MGAT5: variants seen among roughly 807,000 people sequenced by gnomAD.
MGAT5 encodes alpha-1,6-mannosylglycoprotein 6-beta-N-acetylglucosaminyltransferase A.
In MGAT5, 30 loss-of-function variants were observed where a neutral mutation model predicts 94.3. The observed-to-expected ratio is 0.32, with a 90% CI of 0.24 to 0.43. The LOEUF is 0.43. MGAT5 is among the 20% of genes least tolerant of loss of function. The pLI, the probability that MGAT5 is intolerant of heterozygous loss-of-function variation, is 1.00. For missense variants in MGAT5, 691 were observed against 905.5 expected (o/e 0.76, Z 3.04); for synonymous variants, 310 against 322.9 (o/e 0.96, Z 0.43).
At chr2:134,379,636 G>A (rs1331156873) in intron 10 of MGAT5, among the ~76,000 whole-genome samples, 1 of 152,226 alleles carries the variant, frequency 6.6e-6, no homozygotes, top group African/African-American at 2.4e-5. Context: ...ATCATGGCTG[G>A]ACTGCAGGCG....
At chr2:134,389,026 G>T (rs940675275) in intron 10 of MGAT5, among the ~76,000 whole-genome samples, 4 of 152,096 alleles carry the variant, frequency 2.6e-5, no homozygotes, top group Non-Finnish European at 5.9e-5. Context: ...CTCCCAAAGT[G>T]CTGGGATTGG....
chr2:134,122,768 C>T (rs947121980), intron 1 of MGAT5, among the ~76,000 whole-genome samples: 1 of 152,226 alleles, frequency 6.6e-6, no homozygotes, highest in Non-Finnish European at 1.5e-5. Context: ...ATCTGCAGTC[C>T]TGGTTTGGAG....
chr2:134,254,701 C>G (rs1682821998), intron 1 of MGAT5, 57 bp downstream of exon 1: 2 of 1,594,120 alleles, frequency 1.3e-6, no homozygotes, highest in Non-Finnish European at 1.7e-6. Flanking sequence ...TGAAATGGCC[C>G]TAGAAGCTCC....
At chr2:134,338,907 T>C (rs1688481664) in intron 6 of MGAT5, among the ~76,000 whole-genome samples, 1 of 152,132 alleles carries the variant, frequency 6.6e-6, no homozygotes, top group Non-Finnish European at 1.5e-5. Flanking sequence ...CTTTCTAGTT[T>C]ATGAGGACAG....
chr2:134,219,911 C>G (rs1257753301), intron 1 of MGAT5, among the ~76,000 whole-genome samples: 1 of 152,166 alleles, frequency 6.6e-6, no homozygotes, highest in Non-Finnish European at 1.5e-5. Context: ...GATGGCACTA[C>G]TCCCTTACTT....
At chr2:134,152,478 C>T (rs1187032431) in intron 1 of MGAT5, among the ~76,000 whole-genome samples, 1 of 152,130 alleles carries the variant, frequency 6.6e-6, no homozygotes, top group Admixed American at 6.5e-5. Context: ...ACCTCACTCA[C>T]TCATCCCCTG....
intron 4 of MGAT5, 29 bp downstream of exon 4, chr2:134,318,768 T>C (rs779246929): frequency 6.7e-6 from 10 of 1,487,066 alleles, no homozygotes; most frequent in Non-Finnish European, 9.4e-6. Context: ...CTCCTGGGGG[T>C]AGATGTGACT....
chr2:134,318,190 C>T (rs142449691), intron 3 of MGAT5, among the ~76,000 whole-genome samples: 94 of 152,288 alleles, frequency 6.2e-4, no homozygotes, highest in South Asian at 5.0e-3. Flanking sequence ...GTGGGACCAA[C>T]CCCAGAAGCA....
At chr2:134,429,221 A>G (rs1203164209) in intron 14 of MGAT5, among the ~76,000 whole-genome samples, 1 of 152,230 alleles carries the variant, frequency 6.6e-6, no homozygotes, top group Non-Finnish European at 1.5e-5. Flanking sequence ...GCAAGCTGAA[A>G]ATAGAAATGG....
At chr2:134,364,432 G>A (rs190259948) in intron 10 of MGAT5, among the ~76,000 whole-genome samples, 17 of 152,208 alleles carry the variant, frequency 1.1e-4, no homozygotes, top group Admixed American at 3.3e-4. Context: ...CCTGGGAGGC[G>A]GATGTTGCAG....
At chr2:134,439,424 C>T (rs1244693596) in intron 14 of MGAT5, among the ~76,000 whole-genome samples, 3 of 152,260 alleles carry the variant, frequency 2.0e-5, no homozygotes, top group Admixed American at 6.5e-5. Flanking sequence ...AGGCCGGGCG[C>T]GGTGGCTCAC....
intron 1 of MGAT5, among the ~76,000 whole-genome samples, chr2:134,193,054 A>C (rs1679304985): frequency 6.6e-6 from 1 of 152,090 alleles, no homozygotes; most frequent in Non-Finnish European, 1.5e-5. Context: ...AGAAAAAAAC[A>C]GTAATTTCAC....
chr2:134,125,379 G>A (rs1446895024), intron 1 of MGAT5, among the ~76,000 whole-genome samples: 1 of 152,196 alleles, frequency 6.6e-6, no homozygotes, highest in Non-Finnish European at 1.5e-5. Flanking sequence ...GTTGGGCTGT[G>A]AGTAGTGGTT....
chr2:134,428,698 A>G (rs1684723230), intron 14 of MGAT5, among the ~76,000 whole-genome samples: 1 of 152,242 alleles, frequency 6.6e-6, no homozygotes, highest in African/African-American at 2.4e-5. Context: ...TACTGTGAAG[A>G]TGCCCCTGAC....
At chr2:134,417,280 G>A (rs184299301) in intron 12 of MGAT5, among the ~76,000 whole-genome samples, 255 of 152,114 alleles carry the variant, frequency 1.7e-3, no homozygotes, top group Non-Finnish European at 2.3e-3. Flanking sequence ...CAAAACTACA[G>A]TACAGTGGTC....
At chr2:134,350,266 GA>G (rs770759711) in intron 9 of MGAT5, among the ~76,000 whole-genome samples, 1 of 152,118 alleles carries the variant, frequency 6.6e-6, no homozygotes, top group Non-Finnish European at 1.5e-5. Flanking sequence ...ATGCCACATG[GA>G]TGCTATTTAG....
chr2:134,135,864 G>A (rs994003184), intron 1 of MGAT5, among the ~76,000 whole-genome samples: 2 of 152,106 alleles, frequency 1.3e-5, no homozygotes, highest in African/African-American at 2.4e-5. Context: ...CTCTTGCTGG[G>A]CCATGGCTCC....
chr2:134,327,039 T>C (rs1687686439), intron 4 of MGAT5, among the ~76,000 whole-genome samples: 1 of 152,140 alleles, frequency 6.6e-6, no homozygotes, highest in Non-Finnish European at 1.5e-5. Context: ...GTCTGGCACA[T>C]GGGTTTATTG....
intron 10 of MGAT5, 88 bp from the exon 11 acceptor site, chr2:134,402,900 T>C: frequency 7.6e-7 from 1 of 1,323,320 alleles, no homozygotes; most frequent in Non-Finnish European, 1.0e-6. Flanking sequence ...GTCTGTGGCC[T>C]CTAGTCTTAG....
Sources: allele counts gnomAD v4.1 joint callset (sites outside exome capture counted in the v4.1 genomes callset), GRCh38; gene constraint gnomAD v4.1.1; transcripts MANE v1.5; gene names NCBI Gene and HGNC (gene_info 2026-07-23, HGNC 2026-07-21).